Variants in ATRNL1 observed in about 807,000 individuals in gnomAD.
The protein encoded by ATRNL1 is attractin-like protein 1.
Under a neutral mutation model 182.7 loss-of-function variants are expected in ATRNL1, and 95 were observed. That is an observed-to-expected ratio of 0.52 (90% CI 0.44 to 0.62). The LOEUF is 0.62. Among genes scored for constraint, ATRNL1 ranks in the 20% least tolerant of loss-of-function variants. The pLI is 0.00. For synonymous variants in ATRNL1, 576 were observed against 568.3 expected (o/e 1.01, Z -0.19); for missense variants, 1,471 against 1,679.5 (o/e 0.88, Z 2.17).
At chr10:115,700,226 A>C (rs1946689439) in intron 26 of ATRNL1, among the ~76,000 whole-genome samples, 1 of 151,838 alleles carries the variant, frequency 6.6e-6, no homozygotes, top group African/African-American at 2.4e-5. Context: ...GCTGGGTCAA[A>C]TTGTAGTTCT....
At chr10:115,219,259 A>G (rs1028100071) in intron 9 of ATRNL1, among the ~76,000 whole-genome samples, 90 of 150,242 alleles carry the variant, frequency 6.0e-4, no homozygotes, top group Middle Eastern at 3.5e-3. Context: ...AGAAAAAGGG[A>G]TGACGTGTGT....
chr10:115,188,519 C>T (rs1848044129), intron 8 of ATRNL1, among the ~76,000 whole-genome samples: 1 of 152,048 alleles, frequency 6.6e-6, no homozygotes, highest in Non-Finnish European at 1.5e-5. Flanking sequence ...TTCTAAGAAT[C>T]TCAATGTGAG....
At chr10:115,620,786 G>C (rs1565220072) in intron 26 of ATRNL1, among the ~76,000 whole-genome samples, 1 of 152,186 alleles carries the variant, frequency 6.6e-6, no homozygotes, top group Non-Finnish European at 1.5e-5. Flanking sequence ...TACTACGTGT[G>C]TAAACACACA....
In ATRNL1 at chr10:115,177,583, C is replaced by G. The variant is rs1847564298; in HGVS notation, c.1348+6291C>G. ...TCTGAAATTTTCTTTAACTATTAAC[C>G]CTGTCAGTTGTCAGTTGATGTGTCC... On this transcript the variant is annotated intron_variant, in intron 8 of 28. Coordinates refer to ENST00000355044, the MANE Select transcript of ATRNL1 (RefSeq NM_207303.4). Among the ~76,000 whole-genome samples the G allele has an allele frequency of 1.3e-5, 2 of 152,056 alleles. 1 individual carries two copies. The highest frequency in any genetic ancestry group is 1.3e-4 in the Admixed American group (2 of 15,262).
chr10:115,666,703 A>C (rs1453888241), intron 26 of ATRNL1, among the ~76,000 whole-genome samples: 2 of 152,136 alleles, frequency 1.3e-5, no homozygotes, highest in African/African-American at 4.8e-5. Flanking sequence ...CAGTCATACC[A>C]GCATCATATC....
At chr10:115,282,224 T>C (rs1018843784) in intron 14 of ATRNL1, among the ~76,000 whole-genome samples, 1 of 147,434 alleles carries the variant, frequency 6.8e-6, no homozygotes, top group Non-Finnish European at 1.5e-5. Flanking sequence ...TATAATATAA[T>C]TTTATAATAA....
At chr10:115,370,112 A>G (rs1308923071) in intron 19 of ATRNL1, among the ~76,000 whole-genome samples, 2 of 152,194 alleles carry the variant, frequency 1.3e-5, no homozygotes, top group African/African-American at 2.4e-5. Context: ...GTCTGCCACC[A>G]TGTGAGATGT....
intron 28 of ATRNL1, among the ~76,000 whole-genome samples, chr10:115,885,598 A>G (rs1951925482): frequency 6.6e-6 from 1 of 152,276 alleles, no homozygotes; most frequent in Non-Finnish European, 1.5e-5. Context: ...GAAAACCCAC[A>G]GAAGAAAATA....
chr10:115,401,286 A>G (rs1844552730), intron 20 of ATRNL1, among the ~76,000 whole-genome samples: 1 of 152,096 alleles, frequency 6.6e-6, no homozygotes, highest in Non-Finnish European at 1.5e-5. Context: ...CTCTGTAGTC[A>G]TTTTCCCTGT....
chr10:115,374,957 G>A (rs1857592504), intron 19 of ATRNL1, among the ~76,000 whole-genome samples: 1 of 151,544 alleles, frequency 6.6e-6, no homozygotes, highest in Non-Finnish European at 1.5e-5. Flanking sequence ...GTTGTTGAAT[G>A]GAATGTTTTT....
rs547318617 is a variant in ATRNL1 at position 115,822,818 on chromosome 10, C to G, written c.3904-25059C>G. Among the ~76,000 whole-genome samples, 90 of 152,210 alleles carry G rather than the reference C, an allele frequency of 5.9e-4. No individual in the cohort carries two copies. The South Asian group carries it at 0.016, about 27-fold the overall frequency. The stretch of plus-strand genomic sequence containing the variant: ...CCTACCAACCAAAAAAAGCCCAGGA[C>G]CAGATGGGTTCACAGCCGAATTCTA... On this transcript the variant is annotated intron_variant, in intron 27 of 28. Transcript: ENST00000355044.
At chr10:115,367,356 G>GT (rs1857103810) in intron 19 of ATRNL1, among the ~76,000 whole-genome samples, 1 of 139,818 alleles carries the variant, frequency 7.2e-6, no homozygotes, top group African/African-American at 2.6e-5. Flanking sequence ...TCGAGCCTTG[G>GT]TTTTCAGCTC....
At chr10:115,617,705 C>T (rs375930911) in intron 26 of ATRNL1, among the ~76,000 whole-genome samples, 1 of 152,084 alleles carries the variant, frequency 6.6e-6, no homozygotes, top group African/African-American at 2.4e-5. Flanking sequence ...AAGGGACTAG[C>T]CTTGTCTCAG....
At chr10:115,461,361 T>G (rs1847788209) in intron 21 of ATRNL1, among the ~76,000 whole-genome samples, 1 of 152,104 alleles carries the variant, frequency 6.6e-6, no homozygotes, top group Non-Finnish European at 1.5e-5. Context: ...CCAGAATTCC[T>G]TGTATCATTG....
intron 5 of ATRNL1, among the ~76,000 whole-genome samples, chr10:115,152,126 A>G (rs1174125450): frequency 2.6e-5 from 4 of 152,088 alleles, no homozygotes; most frequent in East Asian, 1.9e-4. Flanking sequence ...GCCTTGTAGT[A>G]TAGTTGGAAG....
intron 13 of ATRNL1, among the ~76,000 whole-genome samples, chr10:115,271,204 G>A (rs1451460456): frequency 1.4e-5 from 2 of 139,586 alleles, no homozygotes; most frequent in African/African-American, 3.0e-5. Flanking sequence ...ACACACAGAT[G>A]TATTCTTAGC....
At chr10:115,419,615 A>T (rs922828710) in intron 20 of ATRNL1, among the ~76,000 whole-genome samples, 63 of 152,328 alleles carry the variant, frequency 4.1e-4, no homozygotes, top group African/African-American at 1.4e-3. Context: ...CAAAAAGAAC[A>T]GAAGTAGCTG....
At chr10:115,888,776 T>C (rs1367598527) in intron 28 of ATRNL1, among the ~76,000 whole-genome samples, 1 of 152,194 alleles carries the variant, frequency 6.6e-6, no homozygotes, top group Non-Finnish European at 1.5e-5. Flanking sequence ...CTTGACGATT[T>C]AGGCCCCCTT....
At chr10:115,550,410 A>G (rs1592837102) in intron 26 of ATRNL1, among the ~76,000 whole-genome samples, 1 of 151,998 alleles carries the variant, frequency 6.6e-6, no homozygotes, top group South Asian at 2.1e-4. Context: ...ATTTAAAGAC[A>G]TGTAAAAATA....
Sources: allele counts gnomAD v4.1 joint callset (sites outside exome capture counted in the v4.1 genomes callset), GRCh38; gene constraint gnomAD v4.1.1; transcripts MANE v1.5; gene names NCBI Gene and HGNC (gene_info 2026-07-23, HGNC 2026-07-21).